Variants in PDE3B observed in about 807,000 individuals in gnomAD.
PDE3B encodes cGMP-inhibited 3',5'-cyclic phosphodiesterase 3B.
Under a neutral mutation model 116.8 loss-of-function variants are expected in PDE3B, and 66 were observed. The ratio of observed to expected loss-of-function variants is 0.56; its 90% CI spans 0.46 to 0.69. PDE3B has a LOEUF of 0.69. Among genes scored for constraint, PDE3B ranks in the 30% least tolerant of loss-of-function variants. The pLI is 0.00. For synonymous variants in PDE3B, 595 were observed against 533.6 expected (o/e 1.12, Z -1.59); for missense variants, 1,384 against 1,368.1 (o/e 1.01, Z -0.18).
At chr11:14,898,346 C>A in the PDE3B span, among the ~76,000 whole-genome samples, 2 of 152,082 alleles carry the variant, frequency 1.3e-5, no homozygotes, top group Non-Finnish European at 2.9e-5. Context: ...TGCTCCTCAC[C>A]TCCTTTTCCT....
At chr11:14,798,256 C>T (rs1435187162) in intron 4 of PDE3B, among the ~76,000 whole-genome samples, 5 of 152,160 alleles carry the variant, frequency 3.3e-5, no homozygotes, top group African/African-American at 1.2e-4. Context: ...TATGTTGAAC[C>T]AGCCTTGCAT....
intron 1 of PDE3B, among the ~76,000 whole-genome samples, chr11:14,761,627 A>G (rs1334427557): frequency 6.6e-6 from 1 of 152,162 alleles, no homozygotes; most frequent in African/African-American, 2.4e-5. Flanking sequence ...TTTTATAAGT[A>G]TAGGATACCA....
At chr11:14,727,959 GA>G (rs1430503130) in intron 1 of PDE3B, among the ~76,000 whole-genome samples, 1 of 152,010 alleles carries the variant, frequency 6.6e-6, no homozygotes. Flanking sequence ...CAGTGATGAA[GA>G]GCATGCTTAT....
intron 4 of PDE3B, among the ~76,000 whole-genome samples, chr11:14,793,410 T>C (rs893330264): frequency 6.6e-6 from 1 of 152,218 alleles, no homozygotes; most frequent in African/African-American, 2.4e-5. Context: ...AAACAAAGTT[T>C]TGACTATATT....
chr11:14,784,393 A>T (rs1235002013), intron 2 of PDE3B, among the ~76,000 whole-genome samples: 3 of 152,230 alleles, frequency 2.0e-5, no homozygotes, highest in Non-Finnish European at 2.9e-5. Context: ...TATACTTAAA[A>T]GTAAGCAAGG....
chr11:14,895,212 G>T, the PDE3B span, among the ~76,000 whole-genome samples: 1 of 152,366 alleles, frequency 6.6e-6, no homozygotes, highest in African/African-American at 2.4e-5. Flanking sequence ...TGCAATCAGC[G>T]CAAATGTGCC....
At chr11:14,783,878 A>G (rs1303518292) in intron 2 of PDE3B, among the ~76,000 whole-genome samples, 1 of 152,232 alleles carries the variant, frequency 6.6e-6, no homozygotes. Flanking sequence ...ACCAGGCGTC[A>G]CCAACCAGTA....
At chr11:14,851,956 A>G (rs1238665502) in intron 12 of PDE3B, among the ~76,000 whole-genome samples, 1 of 152,216 alleles carries the variant, frequency 6.6e-6, no homozygotes, top group Non-Finnish European at 1.5e-5. Context: ...GAGGTAACAT[A>G]TGGAAGGTTT....
At chr11:14,668,595 G>A (rs1423408964) in intron 1 of PDE3B, among the ~76,000 whole-genome samples, 1 of 152,152 alleles carries the variant, frequency 6.6e-6, no homozygotes, top group Non-Finnish European at 1.5e-5. Flanking sequence ...GAACTTAGCT[G>A]TGAATGGATG....
chr11:14,773,771 G>A (rs1293569278), intron 2 of PDE3B: 1 of 152,078 alleles, frequency 6.6e-6, no homozygotes, highest in Non-Finnish European at 1.5e-5. Flanking sequence ...ACTGCTGAAA[G>A]CCCTATTTTA....
chr11:14,892,078 G>C, the PDE3B span: 1 of 1,611,740 alleles, frequency 6.2e-7, no homozygotes, highest in Non-Finnish European at 8.5e-7. Context: ...CAGCCCCGGC[G>C]GCCCCGGGGG....
chr11:14,757,072 A>G (rs1857210178), intron 1 of PDE3B, among the ~76,000 whole-genome samples: 1 of 151,404 alleles, frequency 6.6e-6, no homozygotes, highest in African/African-American at 2.4e-5. Context: ...TTGCTCTTGC[A>G]ATAGTTTACT....
chr11:14,802,700 C>A (rs866297169), intron 4 of PDE3B, among the ~76,000 whole-genome samples: 3 of 152,054 alleles, frequency 2.0e-5, no homozygotes, highest in African/African-American at 7.3e-5. Context: ...AGGCAGTTGC[C>A]GGTATGAAAT....
intron 4 of PDE3B, among the ~76,000 whole-genome samples, chr11:14,803,514 T>A (rs1858832011): frequency 6.6e-6 from 1 of 152,228 alleles, no homozygotes; most frequent in Non-Finnish European, 1.5e-5. Context: ...ACTTAGTGAA[T>A]CAGAAACCTT....
chr11:14,803,828 G>A, intron 4 of PDE3B, 116 bp from the exon 5 acceptor site: 1 of 648,412 alleles, frequency 1.5e-6, no homozygotes, highest in Non-Finnish European at 2.7e-6. Flanking sequence ...AGGCACTAGA[G>A]GCGCAAACTC....
chr11:14,744,594 C>T (rs1262848768), intron 1 of PDE3B, among the ~76,000 whole-genome samples: 1 of 152,084 alleles, frequency 6.6e-6, no homozygotes, highest in Non-Finnish European at 1.5e-5. Context: ...CTATATCTCC[C>T]ATCTCAGTTC....
chr11:14,893,070 T>A, the PDE3B span, among the ~76,000 whole-genome samples: 1 of 152,234 alleles, frequency 6.6e-6, no homozygotes, highest in African/African-American at 2.4e-5. Flanking sequence ...AATTGTGATT[T>A]AGCAGTGGCA....
At chr11:14,852,787 G>C (rs1320587575) in intron 12 of PDE3B, among the ~76,000 whole-genome samples, 2 of 152,062 alleles carry the variant, frequency 1.3e-5, no homozygotes, top group Non-Finnish European at 2.9e-5. Context: ...TTTGCCAGGC[G>C]CTGTGGCTCA....
chr11:14,856,051 G>A (rs1388316139), intron 12 of PDE3B, among the ~76,000 whole-genome samples: 9 of 152,202 alleles, frequency 5.9e-5, no homozygotes, highest in Admixed American at 4.6e-4. Context: ...CACATGTCAA[G>A]GGCAGGGCCC....
Sources: allele counts gnomAD v4.1 joint callset (sites outside exome capture counted in the v4.1 genomes callset), GRCh38; gene constraint gnomAD v4.1.1; transcripts MANE v1.5; gene names NCBI Gene and HGNC (gene_info 2026-07-23, HGNC 2026-07-21).